RASSF2: variants seen among roughly 807,000 people sequenced by gnomAD.
The protein encoded by RASSF2 is ras association domain-containing protein 2.
RASSF2 carries 34 observed loss-of-function variants against 46.3 expected under a neutral mutation model. The observed-to-expected ratio is 0.73, with a 90% CI of 0.56 to 0.98. The LOEUF (loss-of-function observed/expected upper bound fraction) is 0.98, where lower values mean the gene tolerates loss of function less well. Among genes scored for constraint, RASSF2 ranks in the 50% least tolerant of loss-of-function variants. RASSF2 has a pLI of 0.00. For synonymous variants in RASSF2, 158 were observed against 162.5 expected, an observed-to-expected ratio of 0.97 and a Z score of 0.21; for missense variants, 364 against 431.2, an observed-to-expected ratio of 0.84 and a Z score of 1.38.
intron 2 of RASSF2, among the ~76,000 whole-genome samples, chr20:4,815,616 C>T (rs1404697633): frequency 6.6e-6 from 1 of 152,246 alleles, no homozygotes; most frequent in East Asian, 1.9e-4. Context: ...CACACAACTC[C>T]ACTTCTACCT....
Position 4,787,744 on chromosome 20 carries a change from C to A in RASSF2, c.702G>T (p.Lys234Asn). 1.9e-6 allele frequency: 3 copies of A among 1,614,156 alleles called. No individual in the cohort carries two copies. The highest frequency in any genetic ancestry group is 2.5e-6 in the Non-Finnish European group (3 of 1,180,032). ...YVVHTSGEKQ[K>N]LKATDYPLIA... Reference sequence around the variant, plus strand: ...TCAGCGGGTAATCGGTGGCCTTCAGCTTCTGTTTCTCTGCAACCACACACA... The same window carrying A: ...TCAGCGGGTAATCGGTGGCCTTCAGATTCTGTTTCTCTGCAACCACACACA... Residue 234 changes from lysine to asparagine, a missense_variant, in exon 10 of 12, where the codon AAG becomes AAT. By Grantham distance (94) the Lys-to-Asn change is moderately conservative (BLOSUM62 0). Transcript: ENST00000379400.
intron 2 of RASSF2, among the ~76,000 whole-genome samples, chr20:4,805,220 C>T (rs2423013): frequency 0.34 from 51,828 of 151,830 alleles, 8,893 homozygotes; most frequent in Admixed American, 0.4. Context: ...GATCTTGAAA[C>T]GAAGAGACTA....
intron 2 of RASSF2, among the ~76,000 whole-genome samples, chr20:4,815,994 A>G (rs571711221): frequency 1.4e-4 from 21 of 152,270 alleles, no homozygotes; most frequent in African/African-American, 5.1e-4. Flanking sequence ...TAAAATAAAC[A>G]TTTTTTGTTT....
Position 4,810,408 on chromosome 20 carries a change from C to T in RASSF2, c.-32-9346G>A, listed in dbSNP as rs551744448. Among the ~76,000 whole-genome samples the T allele has an allele frequency of 6.6e-5, 10 of 152,290 alleles. No individual in the cohort carries two copies. The East Asian group carries it at 7.7e-4, about 12-fold the overall frequency. The stretch of plus-strand genomic sequence containing the variant: ...AAGACGCTCTAGGAGGAGGGAAAGG[C>T]GTCTGGAGCTCCCACCAAAAACAGC... On this transcript the variant is annotated intron_variant, in intron 2 of 11. Coordinates refer to ENST00000379400, the MANE Select transcript of RASSF2 (RefSeq NM_014737.3).
intron 3 of RASSF2, 81 bp downstream of exon 3, chr20:4,800,891 T>C: frequency 8.3e-7 from 1 of 1,205,154 alleles, no homozygotes; most frequent in South Asian, 1.2e-5. Context: ...GGGGGCCCTC[T>C]GCCAGCGGCT....
At chr20:4,786,448 G>A (rs111628636) in intron 10 of RASSF2, 120 bp from the exon 11 acceptor site, 11 of 918,490 alleles carry the variant, frequency 1.2e-5, no homozygotes, top group African/African-American at 6.5e-5. Flanking sequence ...AGAAACCCAG[G>A]ATTTCCTTAA....
chr20:4,791,385 T>A (rs542585385), intron 6 of RASSF2, among the ~76,000 whole-genome samples: 1 of 152,172 alleles, frequency 6.6e-6, no homozygotes, highest in Non-Finnish European at 1.5e-5. Context: ...CACTGAACTG[T>A]ACCACTTAAC....
chr20:4,805,869 C>T (rs879924103), intron 2 of RASSF2, among the ~76,000 whole-genome samples: 27 of 152,254 alleles, frequency 1.8e-4, no homozygotes, highest in Admixed American at 1.3e-3. Context: ...TGGCGAGGAC[C>T]GCAACGTAGG....
chr20:4,791,920 G>A (rs943524439), intron 6 of RASSF2, among the ~76,000 whole-genome samples: 3 of 152,144 alleles, frequency 2.0e-5, no homozygotes, highest in Admixed American at 6.5e-5. Context: ...ACTGGGATCT[G>A]CACAATGCTA....
chr20:4,800,878 G>A lies in RASSF2; in HGVS notation c.59+94C>T, dbSNP rs887711567. Reference sequence around the variant, plus strand: ...AGGAGCCCCACCAGTCTGATATACAGTGGGGGGCCCTCTGCCAGCGGCTGC... The same window carrying A: ...AGGAGCCCCACCAGTCTGATATACAATGGGGGGCCCTCTGCCAGCGGCTGC... On this transcript the variant is annotated intron_variant, in intron 3 of 11. Coordinates refer to ENST00000379400, the MANE Select transcript of RASSF2 (RefSeq NM_014737.3). The A allele has an allele frequency of 8.6e-6, 9 of 1,047,272 alleles. No homozygotes were observed. In the East Asian group the frequency reaches 1.7e-4, roughly 19 times the overall value. 64.9% of individuals were successfully genotyped at this position (1,047,272 alleles called of 1,614,324 possible). A position where few individuals can be genotyped will look rare whatever the true frequency, so the allele number is the denominator to read the frequency against.
chr20:4,804,656 G>A (rs1927193793), intron 2 of RASSF2, among the ~76,000 whole-genome samples: 3 of 152,154 alleles, frequency 2.0e-5, no homozygotes, highest in South Asian at 4.1e-4. Flanking sequence ...TCTTTCTTAA[G>A]TGACAATTAC....
At chr20:4,820,341 TA>T (rs931924940) in intron 2 of RASSF2, among the ~76,000 whole-genome samples, 1 of 151,814 alleles carries the variant, frequency 6.6e-6, no homozygotes, top group Non-Finnish European at 1.5e-5. Context: ...TTCATCTCTA[TA>T]AAAAAATAAA....
chr20:4,792,867 T>C, intron 5 of RASSF2: 1 of 721,788 alleles, frequency 1.4e-6, no homozygotes, highest in African/African-American at 1.8e-5. Flanking sequence ...AGGGAGAAGA[T>C]GTTCTTTTGC....
intron 2 of RASSF2, among the ~76,000 whole-genome samples, chr20:4,805,446 G>C (rs1372813937): frequency 1.3e-5 from 2 of 152,130 alleles, no homozygotes; most frequent in Non-Finnish European, 2.9e-5. Context: ...AGAGCCCCTG[G>C]TGCGAGCAGA....
At chr20:4,787,588 C>T (rs878857473) in intron 10 of RASSF2, 45 bp downstream of exon 10, 21 of 1,612,106 alleles carry the variant, frequency 1.3e-5, no homozygotes, top group Non-Finnish European at 1.7e-5. Context: ...CCAACCAAAT[C>T]CCCACCCTCC....
At chr20:4,786,175 C>T (rs1449310054) in intron 11 of RASSF2, 56 bp downstream of exon 11, 3 of 1,369,906 alleles carry the variant, frequency 2.2e-6, no homozygotes, top group Middle Eastern at 2.2e-4. Flanking sequence ...CCAGCAGAGG[C>T]CCCTCTGTTG....
rs149492181 is a variant in RASSF2, at chr20:4,797,116, T to C, written c.135+894A>G. On this transcript the variant is annotated intron_variant, in intron 4 of 11. Coordinates refer to ENST00000379400, the MANE Select transcript of RASSF2 (RefSeq NM_014737.3). Reference sequence around the variant, plus strand: ...AGGCGTCTCAGGGAGGAAGGCTTTATGTAAACATAGGCAATTTACATGGCC... The same window carrying C: ...AGGCGTCTCAGGGAGGAAGGCTTTACGTAAACATAGGCAATTTACATGGCC... Among the ~76,000 whole-genome samples, 337 of 152,338 alleles carry C rather than the reference T, an allele frequency of 2.2e-3. 3 individuals carry two copies. Among genetic ancestry groups the C allele is most frequent in the African/African-American group, 7.7e-3 (322 of 41,570 alleles).
intron 2 of RASSF2, among the ~76,000 whole-genome samples, chr20:4,813,026 C>T (rs564272022): frequency 1.3e-5 from 2 of 152,262 alleles, no homozygotes; most frequent in African/African-American, 4.8e-5. Flanking sequence ...GCCGCAGGTC[C>T]AGGACGTGGG....
rs1925025861 is a variant in RASSF2, at chr20:4,783,596, G to A, written c.*677C>T. 1 of 152,702 alleles carries A rather than the reference G, an allele frequency of 6.5e-6. No individual in the cohort carries two copies. The highest frequency in any genetic ancestry group is 1.5e-5 in the Non-Finnish European group (1 of 68,082). 9.5% of individuals were successfully genotyped at this position (152,702 alleles called of 1,614,324 possible). ...TCATTTAAAACAATCAACGTTTCCA[G>A]TGTAAAAATACGTGGGCTTATTGCA... is the stretch of plus-strand genomic sequence containing the variant. On this transcript the variant is annotated 3_prime_UTR_variant, in exon 12 of 12. Transcript: ENST00000379400.
Sources: gnomAD v4.1 joint callset for allele counts (sites outside exome capture counted in the v4.1 genomes callset) on GRCh38, gnomAD v4.1.1 for gene constraint, MANE v1.5 for transcripts, NCBI Gene and HGNC (gene_info 2026-07-23, HGNC 2026-07-21) for gene names.